Variants in PCDH7 observed in about 807,000 individuals in gnomAD.
PCDH7 encodes the protein protocadherin-7.
In PCDH7, 17 loss-of-function variants were observed where a neutral mutation model predicts 58.9. That is an observed-to-expected ratio of 0.29 (90% CI 0.20 to 0.43). PCDH7 has a LOEUF of 0.43. Ranked by LOEUF, PCDH7 falls within the 20% of genes least tolerant of loss-of-function variation. The pLI is 1.00. For synonymous variants in PCDH7, 664 were observed against 616.4 expected (o/e 1.08, Z -1.14); for missense variants, 1,274 against 1,441.0 (o/e 0.88, Z 1.88).
At position 31,036,636 on chromosome 4, in the gene PCDH7, C is replaced by T. The variant is rs184678262; in HGVS notation, c.*7+86421C>T. ...AACTATATAATGTTCATTCTTTCAT[C>T]GAAAATGTTTGATTATTTATTGTGT... On this transcript the variant is annotated intron_variant, in intron 3 of 3. Transcript: ENST00000509759. 5.7e-3 allele frequency among the ~76,000 whole-genome samples: 868 copies of T among 152,206 alleles called. 6 individuals are homozygous for T. The highest frequency in any genetic ancestry group is 6.7e-3 in the Non-Finnish European group (453 of 68,006).
At chr4:31,011,888 A>T (rs1753215177) in intron 3 of PCDH7, among the ~76,000 whole-genome samples, 1 of 152,056 alleles carries the variant, frequency 6.6e-6, no homozygotes, top group African/African-American at 2.4e-5. Context: ...TACTTTTCTA[A>T]TAATACTGTC....
intron 1 of PCDH7, among the ~76,000 whole-genome samples, chr4:30,773,305 G>C (rs1305350996): frequency 1.3e-5 from 2 of 152,190 alleles, no homozygotes; most frequent in African/African-American, 4.8e-5. Context: ...CTGGTTCAAA[G>C]ATTTTACACT....
chr4:31,007,129 GT>G (rs1469812999), intron 3 of PCDH7, among the ~76,000 whole-genome samples: 1 of 152,148 alleles, frequency 6.6e-6, no homozygotes, highest in Non-Finnish European at 1.5e-5. Context: ...GAGTCTGATG[GT>G]TTGGACAAAA....
At chr4:30,860,938 G>A (rs1734118446) in intron 1 of PCDH7, among the ~76,000 whole-genome samples, 1 of 152,028 alleles carries the variant, frequency 6.6e-6, no homozygotes, top group Non-Finnish European at 1.5e-5. Flanking sequence ...GTTTACATAG[G>A]ACACTTTTCC....
intron 3 of PCDH7, among the ~76,000 whole-genome samples, chr4:31,095,303 T>C (rs183934190): frequency 1.3e-5 from 2 of 152,204 alleles, no homozygotes; most frequent in East Asian, 1.9e-4. Flanking sequence ...CCCTGCAGTA[T>C]TGAATCTGAG....
chr4:30,802,495 G>A (rs1725650588), intron 1 of PCDH7, among the ~76,000 whole-genome samples: 1 of 152,058 alleles, frequency 6.6e-6, no homozygotes, highest in Admixed American at 6.5e-5. Flanking sequence ...AAAGTACATG[G>A]ATGAAACAAG....
At chr4:30,841,388 T>G (rs1249784152) in intron 1 of PCDH7, among the ~76,000 whole-genome samples, 1 of 152,150 alleles carries the variant, frequency 6.6e-6, no homozygotes, top group Non-Finnish European at 1.5e-5. Context: ...ATTAAAAAAT[T>G]AAATATCTCT....
intron 1 of PCDH7, among the ~76,000 whole-genome samples, chr4:30,787,477 G>A (rs941379432): frequency 2.0e-5 from 3 of 151,944 alleles, no homozygotes; most frequent in Admixed American, 6.6e-5. Context: ...AACTTATGAC[G>A]GTGTAAAAGC....
At chr4:30,796,284 G>A (rs930844748) in intron 1 of PCDH7, among the ~76,000 whole-genome samples, 9 of 152,088 alleles carry the variant, frequency 5.9e-5, no homozygotes, top group Non-Finnish European at 1.2e-4. Flanking sequence ...TCTCAATAGG[G>A]GGCCTAACGG....
intron 2 of PCDH7, among the ~76,000 whole-genome samples, chr4:30,928,060 C>T (rs183792106): frequency 1.3e-5 from 2 of 152,124 alleles, no homozygotes; most frequent in Non-Finnish European, 1.5e-5. Flanking sequence ...ACTACAGCCT[C>T]GACCTCCTGG....
intron 3 of PCDH7, among the ~76,000 whole-genome samples, chr4:31,036,606 G>T (rs1043077071): frequency 2.0e-5 from 3 of 152,152 alleles, no homozygotes; most frequent in Non-Finnish European, 2.9e-5. Flanking sequence ...TTGAATTAGA[G>T]AGTGAACTAT....
At chr4:30,879,318 T>C (rs1380031882) in intron 1 of PCDH7, among the ~76,000 whole-genome samples, 2 of 152,058 alleles carry the variant, frequency 1.3e-5, no homozygotes, top group Non-Finnish European at 2.9e-5. Context: ...CTGATTCTTA[T>C]TTCTAGACAA....
intron 1 of PCDH7, among the ~76,000 whole-genome samples, chr4:30,840,213 A>G (rs904830918): frequency 6.6e-6 from 1 of 151,604 alleles, no homozygotes; most frequent in African/African-American, 2.4e-5. Flanking sequence ...CAGGTAGGAG[A>G]AAAAAAAGAC....
Position 30,722,440 on chromosome 4 carries a change from A to T in PCDH7, c.1018A>T (p.Asn340Tyr). The T allele has an allele frequency of 6.2e-7, 1 of 1,612,344 alleles. No individual in the cohort carries two copies. The highest frequency in any genetic ancestry group is 8.5e-7 in the Non-Finnish European group (1 of 1,179,794). Residue 340 changes from asparagine to tyrosine, a missense_variant, in exon 1 of 2, where the codon AAC becomes TAC. By Grantham distance (143) the Asn-to-Tyr change is moderately radical. Transcript: ENST00000361762. This position sits in a 1 kb window ranked among gnomAD's most constrained non-coding sequence, Gnocchi z 7.6. Reference sequence around the variant, plus strand: ...CGCAGCCGACTTGGACGTGGGGGTCAACGGGCAGATCGAATACGTGTTCGG... The same window carrying T: ...CGCAGCCGACTTGGACGTGGGGGTCTACGGGCAGATCGAATACGTGTTCGG...
At chr4:30,811,874 T>C (rs1727070537) in intron 1 of PCDH7, among the ~76,000 whole-genome samples, 1 of 152,086 alleles carries the variant, frequency 6.6e-6, no homozygotes, top group African/African-American at 2.4e-5. Context: ...CTTGAAGTGA[T>C]AATAATATTT....
chr4:30,954,710 T>C (rs536325052), intron 3 of PCDH7, among the ~76,000 whole-genome samples: 2 of 152,268 alleles, frequency 1.3e-5, no homozygotes, highest in Non-Finnish European at 2.9e-5. Flanking sequence ...TCTCAAGACC[T>C]CATCAATGCC....
Position 30,722,490 on chromosome 4 carries a change from G to T in PCDH7, c.1068G>T (p.Arg356=). 7 of 1,609,312 alleles carry T rather than the reference G, an allele frequency of 4.3e-6. No homozygotes were observed. Among genetic ancestry groups the T allele is most frequent in the Non-Finnish European group, 5.9e-6 (7 of 1,178,236 alleles). ...GGGCGGCCACCGAGTCGGTGAGGCG[G>T]CTGCTGCGCCTTGACGAGACGTCCG... The change falls in exon 1 of 2, where the codon CGG becomes CGT. Residue 356 remains arginine (R), a synonymous_variant. Coordinates refer to ENST00000361762, the Ensembl canonical transcript of PCDH7. This position sits in a 1 kb window ranked among gnomAD's most constrained non-coding sequence, Gnocchi z 7.6.
At chr4:31,063,393 A>C (rs996586702) in intron 3 of PCDH7, among the ~76,000 whole-genome samples, 1 of 151,882 alleles carries the variant, frequency 6.6e-6, no homozygotes, top group Admixed American at 6.6e-5. Context: ...TGAATCCACA[A>C]AATATTTTAC....
chr4:30,889,800 C>T (rs1176606956), intron 1 of PCDH7, among the ~76,000 whole-genome samples: 1 of 152,176 alleles, frequency 6.6e-6, no homozygotes, highest in African/African-American at 2.4e-5. Flanking sequence ...ATGGTTCCAT[C>T]TCTTAATACC....
Sources: gnomAD v4.1 joint callset for allele counts (sites outside exome capture counted in the v4.1 genomes callset) on GRCh38, gnomAD v4.1.1 for gene constraint, Gnocchi (gnomAD v3.1) non-coding constraint, MANE v1.5 for transcripts, NCBI Gene and HGNC (gene_info 2026-07-23, HGNC 2026-07-21) for gene names.